Variants in LTBP1 observed in about 807,000 individuals in gnomAD.
The protein encoded by LTBP1 is latent-transforming growth factor beta-binding protein 1.
In LTBP1, 129 loss-of-function variants were observed where a neutral mutation model predicts 207.6. That is an observed-to-expected ratio of 0.62 (90% CI 0.54 to 0.72). The LOEUF is 0.72. Among genes scored for constraint, LTBP1 ranks in the 30% least tolerant of loss-of-function variants. LTBP1 has a pLI of 0.00. For synonymous variants in LTBP1, 963 were observed against 833.7 expected (o/e 1.16, Z -2.67); for missense variants, 2,281 against 2,217.2 (o/e 1.03, Z -0.58).
intron 3 of LTBP1, among the ~76,000 whole-genome samples, chr2:33,078,605 A>G (rs1398876703): frequency 6.6e-6 from 1 of 152,224 alleles, no homozygotes; most frequent in Non-Finnish European, 1.5e-5. Context: ...AATAAGAAGC[A>G]TACAATAGGA....
In LTBP1 at chr2:33,397,262, C is replaced by A; in HGVS notation, c.4964C>A (p.Thr1655Lys). ...TGCTTTGATGGGTATCACTTGGATACGGCCAAGATGACCTGTGTCGGTAAG... is the reference window on the plus strand; with the variant it reads ...TGCTTTGATGGGTATCACTTGGATAAGGCCAAGATGACCTGTGTCGGTAAG... The part of the protein sequence containing the change: ...CDCFDGYHLD[T>K]AKMTCVDVNE... The change falls in exon 33 of 34, where the codon ACG becomes AAG. Residue 1655 changes from threonine to lysine, a missense_variant. Physicochemically the swap from Thr to Lys is moderately conservative, Grantham distance 78 (BLOSUM62 -1). Around this residue, in one of 3 missense-constraint regions of LTBP1, gnomAD observed 1,671 missense variants for 1,634.8 expected, o/e 1.02. Coordinates refer to ENST00000404816, the MANE Select transcript of LTBP1 (RefSeq NM_206943.4). 1.2e-6 allele frequency: 2 copies of A among 1,613,912 alleles called. No individual in the cohort carries two copies. The highest frequency in any genetic ancestry group is 1.7e-6 in the Non-Finnish European group (2 of 1,179,892).
chr2:33,009,432 C>T (rs219181), intron 2 of LTBP1, among the ~76,000 whole-genome samples: 133,587 of 152,106 alleles, frequency 0.88, 61,091 homozygotes, highest in East Asian at 1. Flanking sequence ...GAGGCCATTC[C>T]AGAGAGTGTG....
intron 3 of LTBP1, among the ~76,000 whole-genome samples, chr2:33,056,135 G>T (rs975241511): frequency 6.6e-6 from 1 of 152,092 alleles, no homozygotes; most frequent in Non-Finnish European, 1.5e-5. Flanking sequence ...CCCTCAGGTG[G>T]CCGTTTTTCC....
At chr2:33,291,555 T>C (rs2093775222) in intron 19 of LTBP1, 1 of 152,228 alleles carries the variant, frequency 6.6e-6, no homozygotes, top group Non-Finnish European at 1.5e-5. Context: ...CAGAAGTGGA[T>C]TCCCACAACC....
chr2:33,295,914 G>T (rs1178841430), intron 20 of LTBP1, among the ~76,000 whole-genome samples: 1 of 152,116 alleles, frequency 6.6e-6, no homozygotes, highest in Non-Finnish European at 1.5e-5. Flanking sequence ...TTGATGCCTT[G>T]CTCCAATAAT....
At chr2:33,237,792 G>C (rs1450569126) in intron 9 of LTBP1, among the ~76,000 whole-genome samples, 2 of 152,212 alleles carry the variant, frequency 1.3e-5, no homozygotes, top group Admixed American at 1.3e-4. Flanking sequence ...GGCCTAGAAA[G>C]ATTCTGGATT....
intron 2 of LTBP1, among the ~76,000 whole-genome samples, chr2:32,996,197 T>C (rs1685240239): frequency 1.3e-5 from 2 of 152,210 alleles, no homozygotes; most frequent in Admixed American, 1.3e-4. Flanking sequence ...CTCACAGTTT[T>C]GGAGGCTGGG....
intron 8 of LTBP1, 57 bp downstream of exon 8, chr2:33,217,711 A>C: frequency 8.3e-7 from 1 of 1,202,616 alleles, no homozygotes; most frequent in Non-Finnish European, 1.2e-6. Flanking sequence ...GTTTTTTATG[A>C]TTACTCCTTT....
Position 33,319,806 on chromosome 2 carries a change from G to A in LTBP1, c.3730+4537G>A, listed in dbSNP as rs1013653736. On this transcript the variant is annotated intron_variant, in intron 24 of 33. Coordinates refer to ENST00000404816, the MANE Select transcript of LTBP1 (RefSeq NM_206943.4). ...CAGCCACACAGAGGGAGCACCAGCA[G>A]CTTATAGGACCTGGCACTTTTCCCT... Among the ~76,000 whole-genome samples the A allele has an allele frequency of 3.9e-5, 6 of 152,316 alleles. No homozygotes were observed. In the East Asian group the frequency reaches 5.8e-4, roughly 15 times the overall value.
intron 3 of LTBP1, among the ~76,000 whole-genome samples, chr2:33,087,084 C>CCTTT (rs1323005803): frequency 2.8e-4 from 25 of 89,018 alleles, no homozygotes; most frequent in Non-Finnish European, 4.8e-4. Context: ...CTCCTTTATG[C>CCTTT]TTTTTTTTTT....
intron 19 of LTBP1, among the ~76,000 whole-genome samples, chr2:33,288,357 A>G (rs76588860): frequency 0.024 from 3,638 of 152,280 alleles, 149 homozygotes; most frequent in African/African-American, 0.082. Context: ...GGCTTGAGAC[A>G]GTCTGGTATG....
intron 2 of LTBP1, among the ~76,000 whole-genome samples, chr2:32,963,083 C>G (rs1679390349): frequency 6.6e-6 from 1 of 152,224 alleles, no homozygotes; most frequent in Non-Finnish European, 1.5e-5. Flanking sequence ...CCCTTTCCCC[C>G]TTCATTTCTG....
Position 33,273,651 on chromosome 2 carries a change from T to A in LTBP1, c.2618-5T>A. The A allele has an allele frequency of 6.3e-7, 1 of 1,595,994 alleles. No homozygotes were observed. Reference sequence around the variant, plus strand: ...TTTTTCACATTATTTTATTTACTTTTAAAGAAATCAATGAATGTACTGTGA... The same window carrying A: ...TTTTTCACATTATTTTATTTACTTTAAAAGAAATCAATGAATGTACTGTGA... On this transcript the variant is annotated splice_polypyrimidine_tract_variant and splice_region_variant and intron_variant, in intron 15 of 33. Transcript: ENST00000404816.
intron 7 of LTBP1, among the ~76,000 whole-genome samples, chr2:33,190,415 C>A (rs576302955): frequency 9.2e-5 from 14 of 152,252 alleles, no homozygotes; most frequent in Admixed American, 7.8e-4. Context: ...ACCTGGGAAA[C>A]ACTTTTAGGT....
chr2:33,299,256 A>G (rs1573701364), intron 20 of LTBP1, among the ~76,000 whole-genome samples: 1 of 151,608 alleles, frequency 6.6e-6, no homozygotes, highest in Admixed American at 6.6e-5. Context: ...AAAAAAAAAA[A>G]GAAGTTTGGC....
intron 3 of LTBP1, among the ~76,000 whole-genome samples, chr2:33,039,733 A>T (rs754632766): frequency 1.8e-4 from 27 of 151,408 alleles, no homozygotes; most frequent in Non-Finnish European, 4.0e-4. Flanking sequence ...GGAATTAAAC[A>T]TTTTTTTTTA....
intron 5 of LTBP1, among the ~76,000 whole-genome samples, chr2:33,180,361 C>T (rs571580432): frequency 1.3e-5 from 2 of 152,182 alleles, no homozygotes; most frequent in Admixed American, 6.5e-5. Flanking sequence ...AGGTAACTGT[C>T]TTCTTGGAGT....
At chr2:33,080,774 A>T (rs565098910) in intron 3 of LTBP1, among the ~76,000 whole-genome samples, 1 of 152,332 alleles carries the variant, frequency 6.6e-6, no homozygotes, top group Admixed American at 6.5e-5. Context: ...AATCTTGCAC[A>T]TACATACACT....
chr2:33,103,585 A>ATGTGTGTGTG (rs1558640670), intron 3 of LTBP1, among the ~76,000 whole-genome samples: 32 of 77,276 alleles, frequency 4.1e-4, no homozygotes, highest in African/African-American at 1.2e-3. Flanking sequence ...GTCTCCGTTT[A>ATGTGTGTGTG]CGTGTGTGTG....
Sources: gnomAD v4.1 joint callset for allele counts (sites outside exome capture counted in the v4.1 genomes callset) on GRCh38, gnomAD v4.1.1 for gene constraint, gnomAD v4.1.1 regional missense constraint, MANE v1.5 for transcripts, NCBI Gene and HGNC (gene_info 2026-07-23, HGNC 2026-07-21) for gene names.